The following MSI2 variants were observed in gnomAD, a reference collection of about 807,000 sequenced individuals.
MSI2 encodes RNA-binding protein Musashi homolog 2.
A neutral mutation model predicts 45.6 loss-of-function variants in MSI2; 17 were observed. The ratio of observed to expected loss-of-function variants is 0.37; its 90% confidence interval spans 0.26 to 0.56. The LOEUF (loss-of-function observed/expected upper bound fraction) is 0.56, where lower values mean the gene tolerates loss of function less well. Among genes scored for constraint, MSI2 ranks in the 20% least tolerant of loss-of-function variants. MSI2 has a pLI of 0.77. For synonymous variants in MSI2, 156 were observed against 158.2 expected (o/e 0.99, Z 0.11); for missense variants, 293 against 444.2 (o/e 0.66, Z 3.06).
downstream of MSI2, among the ~76,000 whole-genome samples, chr17:57,689,670 A>C (rs1212488972): frequency 6.6e-6 from 1 of 152,170 alleles, no homozygotes; most frequent in African/African-American, 2.4e-5. Flanking sequence ...TCACTTCAAA[A>C]ATTCTCTTGA....
intron 6 of MSI2, among the ~76,000 whole-genome samples, chr17:57,514,620 T>A (rs2086428240): frequency 6.6e-6 from 1 of 151,994 alleles, no homozygotes; most frequent in Admixed American, 6.6e-5. Flanking sequence ...AAAACATACT[T>A]GTTGGGTCTT....
chr17:57,661,365 GA>G (rs1911978275), intron 11 of MSI2, among the ~76,000 whole-genome samples: 1 of 152,212 alleles, frequency 6.6e-6, no homozygotes, highest in Non-Finnish European at 1.5e-5. Flanking sequence ...TTTGGAGTGG[GA>G]AGCTGTCTGC....
intron 5 of MSI2, among the ~76,000 whole-genome samples, chr17:57,350,858 G>A (rs770799360): frequency 6.6e-6 from 1 of 152,170 alleles, no homozygotes; most frequent in Admixed American, 6.5e-5. Flanking sequence ...ACACCTCATG[G>A]GAGGGGGTAC....
intron 5 of MSI2, among the ~76,000 whole-genome samples, chr17:57,386,718 C>A (rs1050345104): frequency 1.3e-5 from 2 of 152,338 alleles, no homozygotes; most frequent in South Asian, 2.1e-4. Context: ...GGTGCATTGA[C>A]CATGGCCCTC....
At position 57,413,748 on chromosome 17, in the gene MSI2, G is replaced by A. The variant is rs142204904; in HGVS notation, c.405+12277G>A. Among the ~76,000 whole-genome samples the A allele has an allele frequency of 1.4e-3, 207 of 152,010 alleles. 4 individuals are homozygous for A. The highest frequency in any genetic ancestry group is 4.6e-3 in the African/African-American group (191 of 41,296). The stretch of plus-strand genomic sequence containing the variant: ...TATAGCAAATATTAAGGGGTGGAAA[G>A]ATGTTAATAAACTCAGTGTAAAGCG... On this transcript the variant is annotated intron_variant, in intron 6 of 13. Transcript: ENST00000284073.
intron 5 of MSI2, among the ~76,000 whole-genome samples, chr17:57,368,105 C>A (rs964662816): frequency 5.9e-5 from 9 of 152,244 alleles, no homozygotes; most frequent in African/African-American, 1.9e-4. Flanking sequence ...GAGTCTGTGA[C>A]GAAGTTTCTT....
At position 57,681,067 on chromosome 17, in the gene MSI2, T is replaced by C. The variant is rs995268974; in HGVS notation, c.*1550T>C. ...AGAGAGGCTATGGAAGAATTTTTTTTTAATTTATTGTAGATGTAAACAGAA... is the reference window on the plus strand; with the variant it reads ...AGAGAGGCTATGGAAGAATTTTTTTCTAATTTATTGTAGATGTAAACAGAA... On this transcript the variant is annotated 3_prime_UTR_variant, in exon 14 of 14. Coordinates refer to ENST00000284073, the MANE Select transcript of MSI2 (RefSeq NM_138962.4). 5.4e-6 allele frequency: 1 copy of C among 185,036 alleles called. No homozygotes were observed. The highest frequency in any genetic ancestry group is 8.7e-5 in the East Asian group (1 of 11,476). 11.5% of individuals were successfully genotyped at this position (185,036 alleles called of 1,614,324 possible). A position where few individuals can be genotyped will look rare whatever the true frequency, so the allele number is the denominator to read the frequency against.
chr17:57,297,115 C>T (rs192343108), intron 5 of MSI2, among the ~76,000 whole-genome samples: 401 of 151,998 alleles, frequency 2.6e-3, no homozygotes, highest in African/African-American at 8.9e-3. Context: ...CCTTGTGATC[C>T]ACCCGCCTTG....
chr17:57,519,200 C>A (rs1194014897), intron 6 of MSI2, among the ~76,000 whole-genome samples: 4 of 152,166 alleles, frequency 2.6e-5, no homozygotes, highest in African/African-American at 9.7e-5. Flanking sequence ...ATAGTCCATT[C>A]ACAATAAGAA....
At chr17:57,281,515 C>G (rs1228955999) in intron 5 of MSI2, among the ~76,000 whole-genome samples, 1 of 152,180 alleles carries the variant, frequency 6.6e-6, no homozygotes, top group Non-Finnish European at 1.5e-5. Context: ...TTGCCACTCT[C>G]CCTCCATCCC....
At chr17:57,341,351 G>A (rs1057156487) in intron 5 of MSI2, among the ~76,000 whole-genome samples, 9 of 152,190 alleles carry the variant, frequency 5.9e-5, no homozygotes, top group Admixed American at 5.2e-4. Context: ...TAAAAGAAAG[G>A]TAATCACGTA....
chr17:57,400,895 C>T (rs867291695), intron 5 of MSI2, among the ~76,000 whole-genome samples: 2 of 152,082 alleles, frequency 1.3e-5, no homozygotes, highest in Admixed American at 6.5e-5. Flanking sequence ...GCGAGGTCAG[C>T]GTCTGTGTTG....
intron 10 of MSI2, chr17:57,632,425 C>G: frequency 9.4e-7 from 1 of 1,066,150 alleles, no homozygotes; most frequent in Non-Finnish European, 1.1e-6. Context: ...AATCACAAGC[C>G]TGTCTGTCTT....
chr17:57,295,792 C>T (rs1316985440), intron 5 of MSI2, among the ~76,000 whole-genome samples: 1 of 152,180 alleles, frequency 6.6e-6, no homozygotes, highest in East Asian at 1.9e-4. Flanking sequence ...AATGCCAAAA[C>T]AGCACCGTCA....
At chr17:57,273,380 C>A (rs1340013691) in intron 5 of MSI2, among the ~76,000 whole-genome samples, 2 of 151,920 alleles carry the variant, frequency 1.3e-5, no homozygotes, top group South Asian at 4.2e-4. Context: ...AAATAAAAAT[C>A]CTTGGATTTG....
chr17:57,480,691 C>A (rs917830444), intron 6 of MSI2, among the ~76,000 whole-genome samples: 4 of 152,138 alleles, frequency 2.6e-5, no homozygotes, highest in Admixed American at 1.3e-4. Flanking sequence ...AGATTTAGCT[C>A]AAAAATCCTG....
intron 11 of MSI2, among the ~76,000 whole-genome samples, chr17:57,663,442 C>G (rs983015646): frequency 3.3e-5 from 5 of 152,132 alleles, no homozygotes; most frequent in Non-Finnish European, 7.4e-5. Context: ...GGAAAGGCAC[C>G]CCAGCCCCGC....
chr17:57,597,550 C>T (rs540226713), intron 8 of MSI2, among the ~76,000 whole-genome samples: 20 of 151,294 alleles, frequency 1.3e-4, no homozygotes, highest in African/African-American at 4.4e-4. Flanking sequence ...CACCTGACCC[C>T]AGGAGGTTGA....
At chr17:57,364,453 C>T (rs139218649) in intron 5 of MSI2, among the ~76,000 whole-genome samples, 13 of 152,312 alleles carry the variant, frequency 8.5e-5, no homozygotes, top group East Asian at 1.9e-4. Flanking sequence ...TTTAATTAAA[C>T]GGCATCAAGG....
Sources: allele counts gnomAD v4.1 joint callset (sites outside exome capture counted in the v4.1 genomes callset), GRCh38; gene constraint gnomAD v4.1.1; transcripts MANE v1.5; gene names NCBI Gene and HGNC (gene_info 2026-07-23, HGNC 2026-07-21).